The following SUGCT variants were observed in gnomAD, a reference collection of about 807,000 sequenced individuals.
The protein encoded by SUGCT is succinyl-CoA:glutarate-CoA transferase, also known as succinyl-CoA:glutarate CoA-transferase.
A neutral mutation model predicts 55.0 loss-of-function variants in SUGCT; 41 were observed. That is an observed-to-expected ratio of 0.74 (90% CI 0.58 to 0.97). The LOEUF is 0.97. Among genes scored for constraint, SUGCT ranks in the 50% least tolerant of loss-of-function variants. SUGCT has a pLI of 0.00. For synonymous variants in SUGCT, 187 were observed against 200.4 expected (o/e 0.93, Z 0.56); for missense variants, 568 against 547.8 (o/e 1.04, Z -0.37).
the SUGCT span, among the ~76,000 whole-genome samples, chr7:41,015,873 A>C: frequency 6.6e-6 from 1 of 152,228 alleles, no homozygotes; most frequent in African/African-American, 2.4e-5. Flanking sequence ...TTCACCACAC[A>C]AAATGCCTGA....
At chr7:40,799,523 G>A (rs1050728090) in intron 13 of SUGCT, among the ~76,000 whole-genome samples, 4 of 152,114 alleles carry the variant, frequency 2.6e-5, no homozygotes, top group African/African-American at 9.7e-5. Flanking sequence ...CATGTGAAAC[G>A]CTTTACCATT....
chr7:40,897,880 C>T, the SUGCT span, among the ~76,000 whole-genome samples: 1 of 152,208 alleles, frequency 6.6e-6, no homozygotes, highest in South Asian at 2.1e-4. Flanking sequence ...GACCAATCAG[C>T]TCTCTGTAAA....
At chr7:40,478,392 A>G (rs550780700) in intron 11 of SUGCT, among the ~76,000 whole-genome samples, 1 of 152,300 alleles carries the variant, frequency 6.6e-6, no homozygotes, top group South Asian at 2.1e-4. Context: ...TTTAAACTTC[A>G]CGAAACTTGC....
At chr7:40,939,964 G>C in the SUGCT span, among the ~76,000 whole-genome samples, 5 of 151,864 alleles carry the variant, frequency 3.3e-5, no homozygotes, top group African/African-American at 1.2e-4. Flanking sequence ...TCAATGTCCA[G>C]AATAGTTTTC....
chr7:40,340,372 AAT>A (rs751847011), intron 9 of SUGCT, among the ~76,000 whole-genome samples: 21 of 152,210 alleles, frequency 1.4e-4, no homozygotes, highest in Non-Finnish European at 2.9e-4. Flanking sequence ...AAAGGCCAAA[AAT>A]AAAAAAAAAA....
At chr7:40,884,543 C>T in the SUGCT span, among the ~76,000 whole-genome samples, 6,594 of 152,098 alleles carry the variant, frequency 0.043, 457 homozygotes, top group African/African-American at 0.15. Flanking sequence ...ATATTTGGCC[C>T]GCCTGTTCCG....
chr7:40,291,238 A>G (rs1381618502), intron 8 of SUGCT, among the ~76,000 whole-genome samples: 1 of 152,048 alleles, frequency 6.6e-6, no homozygotes, highest in Non-Finnish European at 1.5e-5. Flanking sequence ...CACAATAGCA[A>G]AGACTTGGAA....
the SUGCT span, among the ~76,000 whole-genome samples, chr7:40,984,359 C>A: frequency 6.6e-6 from 1 of 151,980 alleles, no homozygotes; most frequent in Non-Finnish European, 1.5e-5. Context: ...AACTGCAACC[C>A]TCTAAAAAAG....
intron 7 of SUGCT, among the ~76,000 whole-genome samples, chr7:40,270,851 A>T (rs1217514209): frequency 1.3e-5 from 2 of 151,750 alleles, no homozygotes; most frequent in East Asian, 3.9e-4. Context: ...CTTTTGGTTT[A>T]TTTTTGTCTT....
the SUGCT span, among the ~76,000 whole-genome samples, chr7:41,029,645 G>A: frequency 6.6e-6 from 1 of 152,128 alleles, no homozygotes. Context: ...AGAAGAAAAG[G>A]TACAGAGAGT....
chr7:40,693,443 A>G (rs961442924), intron 12 of SUGCT, among the ~76,000 whole-genome samples: 3 of 152,188 alleles, frequency 2.0e-5, no homozygotes, highest in Non-Finnish European at 4.4e-5. Flanking sequence ...CGGTAACCAT[A>G]TAAGGTAGTG....
the SUGCT span, among the ~76,000 whole-genome samples, chr7:40,960,815 C>G: frequency 6.6e-6 from 1 of 152,162 alleles, no homozygotes; most frequent in Non-Finnish European, 1.5e-5. Flanking sequence ...TCTTACCATA[C>G]CAGCACATTG....
At chr7:40,767,211 A>G (rs1216622770) in intron 13 of SUGCT, among the ~76,000 whole-genome samples, 2 of 152,224 alleles carry the variant, frequency 1.3e-5, no homozygotes, top group Non-Finnish European at 2.9e-5. Context: ...AAGAAAAACA[A>G]AAAACATAGG....
intron 13 of SUGCT, among the ~76,000 whole-genome samples, chr7:40,770,220 T>A (rs151302732): frequency 6.6e-6 from 1 of 152,272 alleles, no homozygotes; most frequent in East Asian, 1.9e-4. Context: ...TTTGCCTAGA[T>A]AACTTCTATT....
At chr7:40,309,892 TAAAA>T (rs5883726) in intron 8 of SUGCT, among the ~76,000 whole-genome samples, 18 of 143,258 alleles carry the variant, frequency 1.3e-4, no homozygotes, top group Non-Finnish European at 2.0e-4. Context: ...AAAAAAGTAT[TAAAA>T]AAAAAAAAAA....
intron 12 of SUGCT, among the ~76,000 whole-genome samples, chr7:40,733,397 T>C (rs983236008): frequency 6.6e-6 from 1 of 152,162 alleles, no homozygotes; most frequent in Non-Finnish European, 1.5e-5. Flanking sequence ...TAGTTCTCCT[T>C]AATCTCCTGG....
At chr7:40,744,125 G>A (rs904016533) in intron 12 of SUGCT, among the ~76,000 whole-genome samples, 10 of 149,270 alleles carry the variant, frequency 6.7e-5, no homozygotes, top group East Asian at 2.0e-4. Context: ...GCGGGGTTTC[G>A]CCATGTCGGC....
chr7:40,318,897 A>G (rs1795576438), intron 9 of SUGCT, among the ~76,000 whole-genome samples: 1 of 152,232 alleles, frequency 6.6e-6, no homozygotes, highest in Non-Finnish European at 1.5e-5. Context: ...TCATTTTAAA[A>G]AGCTTTATAT....
intron 6 of SUGCT, among the ~76,000 whole-genome samples, chr7:40,198,419 T>C (rs1056113851): frequency 6.6e-6 from 1 of 152,248 alleles, no homozygotes; most frequent in Admixed American, 6.5e-5. Flanking sequence ...TTTCTTTCGC[T>C]TGTTAATTTT....
Sources: gnomAD v4.1 joint callset for allele counts (sites outside exome capture counted in the v4.1 genomes callset) on GRCh38, gnomAD v4.1.1 for gene constraint, MANE v1.5 for transcripts, NCBI Gene and HGNC (gene_info 2026-07-23, HGNC 2026-07-21) for gene names.